Variants in CCDC125 observed in about 807,000 individuals in gnomAD.
The protein encoded by CCDC125 is coiled-coil domain-containing protein 125.
In CCDC125, 43 loss-of-function variants were observed where a neutral mutation model predicts 57.4. The observed-to-expected ratio is 0.75, with a 90% CI of 0.59 to 0.97. The LOEUF is 0.97. CCDC125 is among the 50% of genes least tolerant of loss of function. The pLI, the probability that CCDC125 is intolerant of heterozygous loss-of-function variation, is 0.00. For missense variants in CCDC125, 563 were observed against 595.7 expected (o/e 0.95, Z 0.57); for synonymous variants, 187 against 195.2 (o/e 0.96, Z 0.35).
chr5:69,296,557 T>G (rs1413744831), intron 8 of CCDC125, among the ~76,000 whole-genome samples: 3 of 150,966 alleles, frequency 2.0e-5, no homozygotes, highest in Non-Finnish European at 3.0e-5. Context: ...GTCTCAAAAA[T>G]AAATAAATAA....
chr5:69,330,606 T>G (rs183671858), intron 1 of CCDC125, among the ~76,000 whole-genome samples: 30 of 151,556 alleles, frequency 2.0e-4, no homozygotes, highest in African/African-American at 4.1e-4. Flanking sequence ...AAAAAAAAAT[T>G]CACTATCCTC....
chr5:69,308,257 A>T, intron 4 of CCDC125: 1 of 565,962 alleles, frequency 1.8e-6, no homozygotes, highest in Non-Finnish European at 3.1e-6. Flanking sequence ...CCACACAAAG[A>T]AAGTGTTCAG....
intron 11 of CCDC125, among the ~76,000 whole-genome samples, chr5:69,285,062 A>G (rs539220468): frequency 6.6e-6 from 1 of 152,136 alleles, no homozygotes; most frequent in Non-Finnish European, 1.5e-5. Flanking sequence ...GCGCCGCTGC[A>G]CTCCAGCCTG....
chr5:69,282,927 A>T lies in CCDC125; in HGVS notation c.1338T>A (p.Asn446Lys). 1.2e-6 allele frequency: 2 copies of T among 1,613,902 alleles called. No homozygotes were observed. The highest frequency in any genetic ancestry group is 2.2e-5 in the South Asian group (2 of 91,050). Residue 446 changes from asparagine (N) to lysine (K), a missense_variant, in exon 12 of 12, where the codon AAT (asparagine) becomes AAA (lysine). Transcript: ENST00000396496. ...TGAAAGGGAAATTCTCTTTTATAGGATTTTTTTCTTTATTCTCGTTTGAAG... is the reference window on the plus strand; with the variant it reads ...TGAAAGGGAAATTCTCTTTTATAGGTTTTTTTTCTTTATTCTCGTTTGAAG... ...DTASNENKEKNPIKENFPFNN... is the reference protein window; with the variant it reads ...DTASNENKEKKPIKENFPFNN...
intron 1 of CCDC125, among the ~76,000 whole-genome samples, chr5:69,329,606 G>A (rs1055182751): frequency 1.3e-5 from 2 of 148,544 alleles, no homozygotes; most frequent in Non-Finnish European, 3.0e-5. Flanking sequence ...TGGGTCAAGT[G>A]ATTCTCCCAC....
chr5:69,313,563 G>T, intron 3 of CCDC125: 1 of 748,390 alleles, frequency 1.3e-6, no homozygotes, highest in Non-Finnish European at 2.5e-6. Context: ...CAGTGGCCCA[G>T]AAGATAAACA....
At chr5:69,307,853 T>C (rs1472306924) in intron 5 of CCDC125, 98 bp downstream of exon 5, 8 of 868,894 alleles carry the variant, frequency 9.2e-6, no homozygotes, top group South Asian at 1.4e-5. Context: ...TAGCAGAAGG[T>C]AGGCACAAGT....
intron 8 of CCDC125, 126 bp from the exon 9 acceptor site, chr5:69,295,026 G>A: frequency 1.6e-6 from 1 of 634,144 alleles, no homozygotes; most frequent in Non-Finnish European, 2.6e-6. Context: ...AAAAAAACTG[G>A]AAAGGAAAAA....
chr5:69,312,379 A>G (rs1758296511), intron 3 of CCDC125, among the ~76,000 whole-genome samples: 1 of 152,198 alleles, frequency 6.6e-6, no homozygotes, highest in Admixed American at 6.5e-5. Flanking sequence ...TTAAGCCACC[A>G]GTTTGTGGTA....
rs1280406385 is a variant in CCDC125 at position 69,320,430 on chromosome 5, A to C, written c.111T>G (p.Gly37=). The change falls in exon 2 of 12, where the codon GGT becomes GGG. Residue 37 remains glycine, a synonymous_variant. Transcript: ENST00000396496. Reference sequence around the variant, plus strand: ...GTGAAAATTCTATTTCATAAATCCCACCAGGTTTCCTTCCGAGGCCATACC... The same window carrying C: ...GTGAAAATTCTATTTCATAAATCCCCCCAGGTTTCCTTCCGAGGCCATACC... ...DLGYGLGRKP[G]GIYEIEFSHR... is the part of the protein sequence containing the mutation. 1.2e-6 allele frequency: 2 copies of C among 1,613,896 alleles called. No individual in the cohort carries two copies. Among genetic ancestry groups the C allele is most frequent in the Non-Finnish European group, 1.7e-6 (2 of 1,179,942 alleles).
chr5:69,288,009 A>G (rs757704700), intron 10 of CCDC125, among the ~76,000 whole-genome samples: 9 of 152,152 alleles, frequency 5.9e-5, no homozygotes, highest in South Asian at 4.1e-4. Flanking sequence ...TGATATTGTA[A>G]TATAAGAAAT....
intron 8 of CCDC125, among the ~76,000 whole-genome samples, chr5:69,297,119 G>A (rs912763857): frequency 2.0e-5 from 3 of 152,166 alleles, no homozygotes; most frequent in African/African-American, 7.2e-5. Flanking sequence ...AGGCTGGAGT[G>A]CAGTGGTACA....
At chr5:69,310,351 G>GT (rs1488668852) in intron 4 of CCDC125, 1 of 152,782 alleles carries the variant, frequency 6.5e-6, no homozygotes, top group African/African-American at 2.4e-5. Flanking sequence ...CCCCCATACT[G>GT]TTCTGGTATG....
chr5:69,326,880 T>C (rs879432324), intron 1 of CCDC125, among the ~76,000 whole-genome samples: 18 of 151,810 alleles, frequency 1.2e-4, no homozygotes, highest in Admixed American at 5.3e-4. Flanking sequence ...TGAGACCTCA[T>C]GTCTACAAAA....
chr5:69,297,948 G>A (rs764236718), intron 8 of CCDC125, among the ~76,000 whole-genome samples: 18 of 151,376 alleles, frequency 1.2e-4, no homozygotes, highest in Non-Finnish European at 2.4e-4. Flanking sequence ...ACTCCAGCCT[G>A]AGCTACAGAG....
intron 7 of CCDC125, among the ~76,000 whole-genome samples, chr5:69,301,627 G>A (rs1287887976): frequency 2.0e-5 from 3 of 151,876 alleles, no homozygotes; most frequent in Non-Finnish European, 4.4e-5. Flanking sequence ...TCCCAGCTAC[G>A]TGGTAGGCCA....
At chr5:69,286,188 CTATATATATATATATATATATATA>C (rs59035946) in intron 10 of CCDC125, among the ~76,000 whole-genome samples, 61 of 51,344 alleles carry the variant, frequency 1.2e-3, no homozygotes, top group Non-Finnish European at 1.3e-3. Context: ...AAATGGTAAA[CTATATATATATATATATATATATA>C]TATATATATA....
intron 7 of CCDC125, 28 bp from the exon 8 acceptor site, chr5:69,300,155 C>A: frequency 6.6e-7 from 1 of 1,518,420 alleles, no homozygotes; most frequent in South Asian, 1.1e-5. Flanking sequence ...AGAAAGTATT[C>A]ATTATGAAGC....
At chr5:69,283,220 CTTTT>C (rs1219833408) in intron 11 of CCDC125, among the ~76,000 whole-genome samples, 186 bp from the exon 12 acceptor site, 1 of 136,616 alleles carries the variant, frequency 7.3e-6, no homozygotes, top group African/African-American at 2.7e-5. Context: ...ATTCATGAAT[CTTTT>C]TTTTTTTTTT....
Sources: allele counts gnomAD v4.1 joint callset (sites outside exome capture counted in the v4.1 genomes callset), GRCh38; gene constraint gnomAD v4.1.1; transcripts MANE v1.5; gene names NCBI Gene and HGNC (gene_info 2026-07-23, HGNC 2026-07-21).